Variants in GDPD1 observed in about 807,000 individuals in gnomAD.
GDPD1 encodes glycerophosphodiester phosphodiesterase domain containing 1.
A neutral mutation model predicts 45.1 loss-of-function variants in GDPD1; 28 were observed. The observed-to-expected ratio is 0.62, with a 90% confidence interval of 0.46 to 0.85. GDPD1 has a LOEUF of 0.85. Among genes scored for constraint, GDPD1 ranks in the 40% least tolerant of loss-of-function variants. The pLI, the probability that GDPD1 is intolerant of heterozygous loss-of-function variation, is 0.00. For synonymous variants in GDPD1, 139 were observed against 131.4 expected (o/e 1.06, Z -0.40); for missense variants, 256 against 364.8 (o/e 0.70, Z 2.43).
intron 6 of GDPD1, 97 bp from the exon 7 acceptor site, chr17:59,266,944 T>A (rs2047403503): frequency 4.0e-6 from 4 of 1,009,204 alleles, no homozygotes; most frequent in Non-Finnish European, 6.0e-6. Context: ...GTAATAGATT[T>A]CAACACATTG....
chr17:59,251,098 A>G (rs1321164710), intron 4 of GDPD1, among the ~76,000 whole-genome samples: 1 of 152,226 alleles, frequency 6.6e-6, no homozygotes, highest in African/African-American at 2.4e-5. Flanking sequence ...AATTAACTTA[A>G]TCAATTTCAT....
chr17:59,250,271 A>G (rs541045668), intron 4 of GDPD1, among the ~76,000 whole-genome samples: 57 of 152,308 alleles, frequency 3.7e-4, no homozygotes, highest in Middle Eastern at 3.4e-3. Flanking sequence ...AATTTCAGAA[A>G]TGAAGTTTTT....
intron 2 of GDPD1, among the ~76,000 whole-genome samples, chr17:59,239,893 C>T (rs917734554): frequency 5.3e-5 from 8 of 151,786 alleles, no homozygotes; most frequent in African/African-American, 1.5e-4. Flanking sequence ...CCTCCATGCC[C>T]GGCTAATTTT....
At chr17:59,234,601 T>C (rs2047117721) in intron 2 of GDPD1, 67 bp downstream of exon 2, 4 of 1,005,634 alleles carry the variant, frequency 4.0e-6, no homozygotes, top group Non-Finnish European at 6.3e-6. Flanking sequence ...TTTAAAGTGA[T>C]GATGATCCAC....
At chr17:59,232,348 G>C (rs2047097579) in intron 1 of GDPD1, among the ~76,000 whole-genome samples, 1 of 151,932 alleles carries the variant, frequency 6.6e-6, no homozygotes, top group Non-Finnish European at 1.5e-5. Context: ...TGCTTGGGAG[G>C]CTGAGGCAGG....
chr17:59,241,507 C>T (rs557676323), intron 2 of GDPD1, among the ~76,000 whole-genome samples: 3 of 152,122 alleles, frequency 2.0e-5, no homozygotes, highest in South Asian at 2.1e-4. Context: ...TTAGTAGAAA[C>T]GGGGTTTCAT....
chr17:59,255,743 CAAAAAAAA>C (rs1174794003), intron 4 of GDPD1, among the ~76,000 whole-genome samples: 2 of 26,616 alleles, frequency 7.5e-5, no homozygotes, highest in East Asian at 1.1e-3. Flanking sequence ...AACTCCGTCT[CAAAAAAAA>C]AAAAAAAAAA....
intron 8 of GDPD1, among the ~76,000 whole-genome samples, chr17:59,272,452 A>G (rs2047451141): frequency 6.6e-6 from 1 of 152,200 alleles, no homozygotes; most frequent in African/African-American, 2.4e-5. Context: ...TAATAGTAAG[A>G]AAGGAAAGCC....
At chr17:59,271,582 T>A (rs1468601841) in intron 8 of GDPD1, among the ~76,000 whole-genome samples, 1 of 151,804 alleles carries the variant, frequency 6.6e-6, no homozygotes, top group Non-Finnish European at 1.5e-5. Context: ...ATCACAACTT[T>A]TTATTATTTA....
Position 59,220,575 on chromosome 17 carries a change from C to A in GDPD1, c.-35C>A, listed in dbSNP as rs1189767328. On this transcript the variant is annotated 5_prime_UTR_variant, in exon 1 of 10. Transcript: ENST00000284116. ...TACTGCCGCAGCGGAGTTCAGAGGG[C>A]CCGGAGGTGGGAGACTTCCCACACG... is the stretch of plus-strand genomic sequence containing the variant. 2 of 1,605,476 alleles carry A rather than the reference C, an allele frequency of 1.2e-6. No individual in the cohort carries two copies. The highest frequency in any genetic ancestry group is 1.3e-5 in the African/African-American group (1 of 74,836).
At chr17:59,254,451 G>A (rs1446604908) in intron 4 of GDPD1, among the ~76,000 whole-genome samples, 3 of 151,908 alleles carry the variant, frequency 2.0e-5, no homozygotes, top group Non-Finnish European at 4.4e-5. Context: ...GATCACTGGA[G>A]CTGAGGAGTT....
intron 1 of GDPD1, among the ~76,000 whole-genome samples, chr17:59,223,859 C>T (rs2047024926): frequency 2.6e-5 from 4 of 152,126 alleles, no homozygotes; most frequent in African/African-American, 4.8e-5. Context: ...TGCAGTGAGC[C>T]GAGATGGTGC....
intron 3 of GDPD1, among the ~76,000 whole-genome samples, chr17:59,247,004 T>G (rs12943219): frequency 0.44 from 66,923 of 151,568 alleles, 16,537 homozygotes; most frequent in African/African-American, 0.68. Context: ...CTGACCTCAG[T>G]TGATCCTCCT....
intron 3 of GDPD1, among the ~76,000 whole-genome samples, chr17:59,246,828 C>T (rs1381610570): frequency 6.6e-6 from 1 of 151,422 alleles, no homozygotes; most frequent in Non-Finnish European, 1.5e-5. Context: ...AGTGCAGTGG[C>T]ATGATCTCGG....
In GDPD1 at chr17:59,251,212, A is replaced by C. The variant is rs149506336; in HGVS notation, c.367+2427A>C. ...CTCTCCATTGGAACACTATTCCCAAATGTTGTATTAAGAACAATGCTGTGG... is the reference window on the plus strand; with the variant it reads ...CTCTCCATTGGAACACTATTCCCAACTGTTGTATTAAGAACAATGCTGTGG... On this transcript the variant is annotated intron_variant, in intron 4 of 9. Coordinates refer to ENST00000284116, the MANE Select transcript of GDPD1 (RefSeq NM_182569.4). Among the ~76,000 whole-genome samples the C allele has an allele frequency of 8.9e-4, 135 of 152,302 alleles. 1 individual carries two copies. Among genetic ancestry groups the C allele is most frequent in the Admixed American group, 2.2e-3 (33 of 15,286 alleles).
chr17:59,253,594 C>T (rs928735108), intron 4 of GDPD1, among the ~76,000 whole-genome samples: 2 of 152,122 alleles, frequency 1.3e-5, no homozygotes, highest in African/African-American at 2.4e-5. Flanking sequence ...ATAGAATATT[C>T]TTATGTATTT....
At chr17:59,270,224 T>C (rs8075535) in intron 7 of GDPD1, among the ~76,000 whole-genome samples, 40,709 of 151,156 alleles carry the variant, frequency 0.27, 8,058 homozygotes, top group African/African-American at 0.56. Flanking sequence ...GACAGAGTTT[T>C]ACTTTGTCAC....
intron 2 of GDPD1, among the ~76,000 whole-genome samples, chr17:59,239,637 G>T (rs1038789357): frequency 2.6e-5 from 4 of 151,756 alleles, no homozygotes; most frequent in African/African-American, 9.7e-5. Context: ...CTATTAGTTT[G>T]TCAATAACAA....
In GDPD1 at chr17:59,243,044, C is replaced by T. The variant is rs2147884857; in HGVS notation, c.186-2370C>T. ...TCTCTACTCAAAATACAAACATTAGCCAGGTGTGGTGGCGGGTACCTGTAA... is the reference window on the plus strand; with the variant it reads ...TCTCTACTCAAAATACAAACATTAGTCAGGTGTGGTGGCGGGTACCTGTAA... On this transcript the variant is annotated intron_variant, in intron 2 of 9. Transcript: ENST00000284116. Among the ~76,000 whole-genome samples the T allele has an allele frequency of 1.3e-5, 2 of 151,522 alleles. 1 individual carries two copies. The highest frequency in any genetic ancestry group is 4.2e-4 in the South Asian group (2 of 4,780).
Sources: allele counts gnomAD v4.1 joint callset (sites outside exome capture counted in the v4.1 genomes callset), GRCh38; gene constraint gnomAD v4.1.1; transcripts MANE v1.5; gene names NCBI Gene and HGNC (gene_info 2026-07-23, HGNC 2026-07-21).